The following NBPF26 variants were observed in gnomAD, a reference collection of about 807,000 sequenced individuals.
NBPF26 encodes NBPF family member NBPF26.
Under a neutral mutation model 119.6 loss-of-function variants are expected in NBPF26, and 79 were observed. The observed-to-expected ratio is 0.66, with a 90% CI of 0.55 to 0.80. The LOEUF is 0.80. NBPF26 is among the 30% of genes least tolerant of loss of function. The pLI is 0.00. For synonymous variants in NBPF26, 299 were observed against 457.7 expected, an observed-to-expected ratio of 0.65 and a Z score of 4.43; for missense variants, 800 against 1,198.2, an observed-to-expected ratio of 0.67 and a Z score of 4.91.
Position 120,793,477 on chromosome 1 carries a change from T to A in NBPF26, c.732T>A (p.Phe244Leu). Residue 244 changes from phenylalanine to leucine, a missense_variant, in exon 4 of 30, where the codon TTT becomes TTA. By Grantham distance (22) the Phe-to-Leu change is conservative. Coordinates refer to ENST00000620612, the Ensembl canonical transcript of NBPF26. ...GTCGGCAGACTGGTGACTTCACTTTTGAGTGCAACTGCCTTCCAGGTAAGG... is the reference window on the plus strand; with the variant it reads ...GTCGGCAGACTGGTGACTTCACTTTAGAGTGCAACTGCCTTCCAGGTAAGG... 1.4e-6 allele frequency: 2 copies of A among 1,386,620 alleles called. 1 individual carries two copies. The highest frequency in any genetic ancestry group is 1.9e-6 in the Non-Finnish European group (2 of 1,031,618). The allele number at this position is 1,386,620 out of a possible 1,614,324, so 85.9% of individuals were successfully genotyped here.
At chr1:120,822,551 C>G in intron 16 of NBPF26, among the ~76,000 whole-genome samples, 1 of 113,618 alleles carries the variant, frequency 8.8e-6, no homozygotes, top group East Asian at 2.1e-4. Flanking sequence ...TCACACCAAA[C>G]TATGCAGCAC....
At chr1:120,790,292 G>C (rs1651470305) in intron 3 of NBPF26, among the ~76,000 whole-genome samples, 1 of 111,002 alleles carries the variant, frequency 9.0e-6, no homozygotes, top group Non-Finnish European at 1.7e-5. Flanking sequence ...GGGATTACAG[G>C]TGTGAGCCAC....
In NBPF26 at chr1:120,783,730, A is replaced by G. The variant is rs1272259454; in HGVS notation, c.156-1244A>G. On this transcript the variant is annotated intron_variant, in intron 2 of 29. Coordinates refer to ENST00000620612, the Ensembl canonical transcript of NBPF26. ...TTTGAGAGAAAGAGCAGTGCAGTCCAGACTTAAACGTTAGGGTGGCCATAA... is the reference window on the plus strand; with the variant it reads ...TTTGAGAGAAAGAGCAGTGCAGTCCGGACTTAAACGTTAGGGTGGCCATAA... Among the ~76,000 whole-genome samples, 220 of 117,944 alleles carry G rather than the reference A, an allele frequency of 1.9e-3. 82 individuals carry two copies. Among genetic ancestry groups the G allele is most frequent in the African/African-American group, 0.011 (216 of 20,338 alleles). 77.4% of individuals were successfully genotyped at this position (117,944 alleles called of 152,430 possible). A position where few individuals can be genotyped will look rare whatever the true frequency, so the allele number is the denominator to read the frequency against.
rs2101420440 is a variant in NBPF26 at position 120,768,330 on chromosome 1, C to T, written c.155+4621C>T. 2.0e-5 allele frequency among the ~76,000 whole-genome samples: 2 copies of T among 102,126 alleles called. 1 individual carries two copies. The highest frequency in any genetic ancestry group is 1.9e-4 in the Admixed American group (2 of 10,388). 67.0% of individuals were successfully genotyped at this position (102,126 alleles called of 152,430 possible). The stretch of plus-strand genomic sequence containing the variant: ...CTCCCAGCCCCAGGAGCCTTCTGCT[C>T]AGTCTTTTCAGCCGTCCAGCTCTTA... On this transcript the variant is annotated intron_variant, in intron 2 of 29. Transcript: ENST00000620612.
intron 1 of NBPF26, among the ~76,000 whole-genome samples, chr1:120,759,817 A>AT (rs1651114553): frequency 8.6e-6 from 1 of 116,162 alleles, no homozygotes; most frequent in Non-Finnish European, 1.6e-5. Context: ...CATCTCAAAT[A>AT]TTTAACATTT....
intron 9 of NBPF26, among the ~76,000 whole-genome samples, chr1:120,810,809 G>A (rs1328186289): frequency 1.8e-5 from 2 of 110,054 alleles, no homozygotes; most frequent in East Asian, 2.1e-4. Context: ...AAAAAATTAG[G>A]CAGGCATGGT....
chr1:120,838,988 A>G, intron 28 of NBPF26, 71 bp downstream of exon 34: 1 of 46,784 alleles, frequency 2.1e-5, no homozygotes, highest in Non-Finnish European at 3.3e-5. Context: ...TCCTGCTCCA[A>G]GTGGCCATTA....
At chr1:120,832,688 G>GT (rs1652369928) in intron 22 of NBPF26, among the ~76,000 whole-genome samples, 187 bp from the exon 27 acceptor site, 1 of 120,882 alleles carries the variant, frequency 8.3e-6, no homozygotes, top group Non-Finnish European at 1.6e-5. Context: ...TTTACCCACA[G>GT]TTTCTGGGAG....
intron 1 of NBPF26, among the ~76,000 whole-genome samples, chr1:120,728,392 C>G (rs1307954433): frequency 9.3e-6 from 1 of 107,526 alleles, no homozygotes; most frequent in South Asian, 2.8e-4. Context: ...GGGGAAAAAC[C>G]AAATTTTTCC....
chr1:120,793,425 A>T, exon 4 of NBPF26: 1 of 1,442,768 alleles, frequency 6.9e-7, no homozygotes, highest in Non-Finnish European at 9.3e-7. Flanking sequence ...CCCTGTGCAC[A>T]CTCGCCTTGT....
At position 120,779,682 on chromosome 1, in the gene NBPF26, A is replaced by C. The variant is rs1188707942; in HGVS notation, c.156-5292A>C. ...GTGTGCTGGGTAGCTTAATGGAATT[A>C]TAGATATGTAAGGGGTGTTGGGTGT... On this transcript the variant is annotated intron_variant, in intron 2 of 29. Transcript: ENST00000620612. Among the ~76,000 whole-genome samples, 4 of 122,744 alleles carry C rather than the reference A, an allele frequency of 3.3e-5. 2 individuals carry two copies. Among genetic ancestry groups the C allele is most frequent in the Non-Finnish European group, 6.6e-5 (4 of 60,496 alleles). The allele number at this position is 122,744 out of a possible 152,430, so 80.5% of individuals were successfully genotyped here.
At chr1:120,801,457 A>G (rs1219873601) in intron 4 of NBPF26, among the ~76,000 whole-genome samples, 23 of 101,104 alleles carry the variant, frequency 2.3e-4, no homozygotes, top group African/African-American at 8.0e-4. Flanking sequence ...ATTATACTAT[A>G]GAACTAATAA....
rs1276526256 is a variant in NBPF26, at chr1:120,807,258, G to A, written c.962-349G>A. 4.0e-5 allele frequency among the ~76,000 whole-genome samples: 5 copies of A among 126,568 alleles called. 1 individual carries two copies. Among genetic ancestry groups the A allele is most frequent in the Admixed American group, 2.3e-4 (3 of 13,232 alleles). 83.0% of individuals were successfully genotyped at this position (126,568 alleles called of 152,430 possible). A position where few individuals can be genotyped will look rare whatever the true frequency, so the allele number is the denominator to read the frequency against. ...ACTGTACAAGAAATCACTACTTCATGCCCCAGTGCAGTGTTTTAGAGGAGA... is the reference window on the plus strand; with the variant it reads ...ACTGTACAAGAAATCACTACTTCATACCCCAGTGCAGTGTTTTAGAGGAGA... On this transcript the variant is annotated intron_variant, in intron 5 of 29. Coordinates refer to ENST00000620612, the Ensembl canonical transcript of NBPF26.
chr1:120,764,838 A>G (rs1387264294), intron 2 of NBPF26, among the ~76,000 whole-genome samples: 1 of 90,860 alleles, frequency 1.1e-5, no homozygotes, highest in Non-Finnish European at 2.0e-5. Flanking sequence ...TGTGAGGAGT[A>G]GTTGTTCTTT....
In NBPF26 at chr1:120,727,822, C is replaced by T. The variant is rs1199724170; in HGVS notation, c.73+3572C>T. On this transcript the variant is annotated intron_variant, in intron 1 of 29. Transcript: ENST00000620612. ...GTTTTTGTTTCCCCCCCTTTCTCTG[C>T]AAATGACTTGAAACCAAAAGGTCTT... Among the ~76,000 whole-genome samples the T allele has an allele frequency of 2.6e-5, 3 of 117,478 alleles. 1 individual carries two copies. Among genetic ancestry groups the T allele is most frequent in the African/African-American group, 9.9e-5 (2 of 20,122 alleles). The allele number at this position is 117,478 out of a possible 152,430, so 77.1% of individuals were successfully genotyped here. A position where few individuals can be genotyped will look rare whatever the true frequency, so the allele number is the denominator to read the frequency against.
intron 1 of NBPF26, among the ~76,000 whole-genome samples, chr1:120,727,490 A>C (rs1312247758): frequency 9.1e-6 from 1 of 109,848 alleles, no homozygotes; most frequent in South Asian, 2.7e-4. Flanking sequence ...ACCCTTTAGA[A>C]GGGCTTCATA....
intron 23 of NBPF26, among the ~76,000 whole-genome samples, chr1:120,833,391 G>GTCTCTGTCTCTCTCTCTC: frequency 1.2e-5 from 1 of 82,134 alleles, no homozygotes; most frequent in Non-Finnish European, 2.1e-5. Context: ...CTCTCTCTCT[G>GTCTCTGTCTCTCTCTCTC]TCTCTGTCTC....
rs1553273402 is a variant in NBPF26 at position 120,840,349 on chromosome 1, G to T, written c.4104-1G>T. On this transcript the variant is annotated splice_acceptor_variant, in intron 29 of 29. Coordinates refer to ENST00000620612, the Ensembl canonical transcript of NBPF26. LOFTEE classifies it high-confidence loss of function. Reference sequence around the variant, plus strand: ...TTCTTTAGTTTTGTCTCCTTTTGCAGGCTCAACAGCATGCTGATGGAAGTG... The same window carrying T: ...TTCTTTAGTTTTGTCTCCTTTTGCATGCTCAACAGCATGCTGATGGAAGTG... The T allele has an allele frequency of 7.6e-6, 11 of 1,446,552 alleles. 3 individuals are homozygous for T. Among genetic ancestry groups the T allele is most frequent in the Middle Eastern group, 2.4e-4 (1 of 4,134 alleles). 89.6% of individuals were successfully genotyped at this position (1,446,552 alleles called of 1,614,324 possible).
At chr1:120,823,710 T>G (rs1468314747) in intron 17 of NBPF26, among the ~76,000 whole-genome samples, 1 of 114,488 alleles carries the variant, frequency 8.7e-6, no homozygotes, top group African/African-American at 4.6e-5. Flanking sequence ...GTCCTTTGAC[T>G]CCCTCATCAG....
Sources: gnomAD v4.1 joint callset for allele counts (sites outside exome capture counted in the v4.1 genomes callset) on GRCh38, gnomAD v4.1.1 for gene constraint, MANE v1.5 for transcripts, NCBI Gene and HGNC (gene_info 2026-07-23, HGNC 2026-07-21) for gene names.